Variants in SAMD5 observed in about 807,000 individuals in gnomAD.
SAMD5 encodes sterile alpha motif domain-containing protein 5.
Under a neutral mutation model 11.3 loss-of-function variants are expected in SAMD5, and 13 were observed. The observed-to-expected ratio is 1.15, with a 90% CI of 0.75 to 1.83. SAMD5 has a LOEUF of 1.83. Among genes scored for constraint, SAMD5 ranks in the 40% most tolerant of loss-of-function variants. SAMD5 has a pLI of 0.00. For missense variants in SAMD5, 255 were observed against 239.1 expected (o/e 1.07, Z -0.44); for synonymous variants, 129 against 111.3 (o/e 1.16, Z -1.00).
chr6:147,937,514 G>A, the SAMD5 span, among the ~76,000 whole-genome samples: 8 of 152,312 alleles, frequency 5.3e-5, no homozygotes, highest in South Asian at 4.1e-4. Context: ...AGCTTCATCT[G>A]TCAGGAAAAT....
chr6:147,678,878 A>T (rs925219660), intron 1 of SAMD5, among the ~76,000 whole-genome samples: 22 of 152,174 alleles, frequency 1.4e-4, no homozygotes, highest in Non-Finnish European at 5.9e-5. Context: ...ACAGGTGTAT[A>T]CCCATGAAAC....
chr6:147,736,827 A>G (rs1791810545), intron 1 of SAMD5, among the ~76,000 whole-genome samples: 2 of 152,244 alleles, frequency 1.3e-5, no homozygotes, highest in South Asian at 4.1e-4. Context: ...AGGGGCCATG[A>G]TTTCCCTTGA....
At chr6:147,761,064 T>C in the SAMD5 span, among the ~76,000 whole-genome samples, 1 of 152,208 alleles carries the variant, frequency 6.6e-6, no homozygotes, top group African/African-American at 2.4e-5. Flanking sequence ...TTAAAACTTC[T>C]TTAGCATTTT....
chr6:147,866,386 C>T, the SAMD5 span, among the ~76,000 whole-genome samples: 1 of 152,126 alleles, frequency 6.6e-6, no homozygotes, highest in Non-Finnish European at 1.5e-5. Context: ...GCATTCCCTC[C>T]AGGAAGACAG....
intron 1 of SAMD5, among the ~76,000 whole-genome samples, chr6:147,671,129 G>A (rs1003772813): frequency 5.3e-5 from 8 of 152,186 alleles, no homozygotes; most frequent in Admixed American, 5.2e-4. Context: ...AAGAATGGCA[G>A]GTCAGTGGAG....
At chr6:147,797,551 C>T in the SAMD5 span, among the ~76,000 whole-genome samples, 6 of 85,100 alleles carry the variant, frequency 7.1e-5, 1 homozygote, top group Non-Finnish European at 8.4e-5. Flanking sequence ...TGTCTCTGCC[C>T]GGCTTTGGTA....
At chr6:147,516,675 G>T (rs372587883) in intron 1 of SAMD5, among the ~76,000 whole-genome samples, 2 of 152,232 alleles carry the variant, frequency 1.3e-5, no homozygotes, top group Admixed American at 6.5e-5. Flanking sequence ...GGCCTGCACT[G>T]TGAGTCAGCT....
At chr6:147,657,956 T>G (rs1275741333) in intron 1 of SAMD5, among the ~76,000 whole-genome samples, 5 of 152,216 alleles carry the variant, frequency 3.3e-5, no homozygotes, top group African/African-American at 4.8e-5. Flanking sequence ...TTGTTCTACT[T>G]TTGTATGGAT....
chr6:147,870,472 G>A, the SAMD5 span, among the ~76,000 whole-genome samples: 4 of 125,624 alleles, frequency 3.2e-5, no homozygotes, highest in Non-Finnish European at 7.0e-5. Flanking sequence ...GTGTGTGTGT[G>A]TGTGTGTGTG....
chr6:147,689,804 G>A (rs1219180897), intron 1 of SAMD5, among the ~76,000 whole-genome samples: 1 of 152,152 alleles, frequency 6.6e-6, no homozygotes, highest in Non-Finnish European at 1.5e-5. Flanking sequence ...ACTGGGTGTG[G>A]GGTGGGATAT....
chr6:147,684,902 G>T (rs1457623572), intron 1 of SAMD5, among the ~76,000 whole-genome samples: 1 of 152,084 alleles, frequency 6.6e-6, no homozygotes, highest in Non-Finnish European at 1.5e-5. Flanking sequence ...TTATAAATAT[G>T]TAGGGAAATG....
At chr6:147,790,126 A>C in the SAMD5 span, among the ~76,000 whole-genome samples, 12,537 of 152,306 alleles carry the variant, frequency 0.082, 799 homozygotes, top group African/African-American at 0.17. Context: ...TGGCATGCAG[A>C]TATTTCTAGC....
At chr6:147,558,830 T>C (rs554612844) in intron 1 of SAMD5, among the ~76,000 whole-genome samples, 1 of 152,354 alleles carries the variant, frequency 6.6e-6, no homozygotes, top group South Asian at 2.1e-4. Context: ...ACCCAGGTGA[T>C]AATTATGGTT....
intron 1 of SAMD5, among the ~76,000 whole-genome samples, chr6:147,536,102 G>C (rs1788505183): frequency 6.6e-6 from 1 of 151,874 alleles, no homozygotes; most frequent in Admixed American, 6.6e-5. Context: ...TCCCGCCTCA[G>C]CCTCCCAAGT....
chr6:147,615,071 T>C (rs901291882), intron 1 of SAMD5, among the ~76,000 whole-genome samples: 2 of 151,978 alleles, frequency 1.3e-5, no homozygotes, highest in African/African-American at 4.8e-5. Flanking sequence ...CTAGAGATGA[T>C]TTGAAGTATA....
the SAMD5 span, among the ~76,000 whole-genome samples, chr6:147,940,518 A>T: frequency 6.6e-6 from 1 of 152,208 alleles, no homozygotes; most frequent in East Asian, 1.9e-4. Context: ...CTATTCTATC[A>T]TGAAGGAACT....
intron 1 of SAMD5, among the ~76,000 whole-genome samples, chr6:147,609,659 C>A (rs532894182): frequency 6.6e-6 from 1 of 152,218 alleles, no homozygotes; most frequent in East Asian, 1.9e-4. Flanking sequence ...CAGGTTCAAG[C>A]GATTCTCCTA....
intron 1 of SAMD5, among the ~76,000 whole-genome samples, chr6:147,610,061 T>C (rs1442483367): frequency 6.6e-6 from 1 of 152,216 alleles, no homozygotes; most frequent in Non-Finnish European, 1.5e-5. Flanking sequence ...TTATGCTGTG[T>C]GCTGTGCTCT....
chr6:147,844,901 C>T, the SAMD5 span, among the ~76,000 whole-genome samples: 25 of 152,042 alleles, frequency 1.6e-4, no homozygotes, highest in East Asian at 5.8e-4. Context: ...AAGTTTCAGA[C>T]GGGAGGAATA....
Sources: gnomAD v4.1 joint callset for allele counts (sites outside exome capture counted in the v4.1 genomes callset) on GRCh38, gnomAD v4.1.1 for gene constraint, MANE v1.5 for transcripts, NCBI Gene and HGNC (gene_info 2026-07-23, HGNC 2026-07-21) for gene names.